Variants in PPP2R5C observed in about 807,000 individuals in gnomAD.
The protein encoded by PPP2R5C is serine/threonine-protein phosphatase 2A 56 kDa regulatory subunit gamma isoform.
A neutral mutation model predicts 68.9 loss-of-function variants in PPP2R5C; 7 were observed. That is an observed-to-expected ratio of 0.10 (90% confidence interval 0.06 to 0.19). The LOEUF (loss-of-function observed/expected upper bound fraction) is 0.19, where lower values mean the gene tolerates loss of function less well. Ranked by LOEUF, PPP2R5C falls within the 10% of genes least tolerant of loss-of-function variation. The pLI, the probability that PPP2R5C is intolerant of heterozygous loss-of-function variation, is 1.00. For missense variants in PPP2R5C, 348 were observed against 641.3 expected (o/e 0.54, Z 4.94); for synonymous variants, 210 against 222.2 (o/e 0.95, Z 0.49).
intron 3 of PPP2R5C, among the ~76,000 whole-genome samples, chr14:101,790,224 T>C (rs1247582663): frequency 6.6e-6 from 1 of 152,258 alleles, no homozygotes; most frequent in African/African-American, 2.4e-5. Flanking sequence ...TTTTATTTTT[T>C]CCTAACTTTT....
chr14:101,762,757 G>C lies in PPP2R5C; in HGVS notation c.28-148G>C, dbSNP rs898355853. ...GCATTGCACTGTTGGAATCCTAAAC[G>C]GTATGATATAGAATTTCCTAATGGT... On this transcript the variant is annotated intron_variant, in intron 1 of 14. Coordinates refer to the PPP2R5C transcript ENST00000328724. 8.8e-6 allele frequency: 6 copies of C among 679,568 alleles called. No homozygotes were observed. In the African/African-American group the frequency reaches 1.1e-4, roughly 12 times the overall value. 42.1% of individuals were successfully genotyped at this position (679,568 alleles called of 1,614,324 possible). A position where few individuals can be genotyped will look rare whatever the true frequency, so the allele number is the denominator to read the frequency against.
At position 101,862,816 on chromosome 14, in the gene PPP2R5C, ATTTTT is replaced by A. The variant is rs71116853; in HGVS notation, c.294+5949_294+5953del. ...TGTCATTTACACTAAGACATGATGG[ATTTTT>A]TTTTTTTTTTTTTTTTTAGATGAGG... On this transcript the variant is annotated intron_variant, in intron 2 of 13. Transcript: ENST00000334743. Among the ~76,000 whole-genome samples, 7 of 127,214 alleles carry A rather than the reference ATTTTT, an allele frequency of 5.5e-5. No individual in the cohort carries two copies. The South Asian group carries it at 1.3e-3, about 24-fold the overall frequency. 83.5% of individuals were successfully genotyped at this position (127,214 alleles called of 152,430 possible).
chr14:101,860,479 G>T (rs1173661649), intron 2 of PPP2R5C, among the ~76,000 whole-genome samples: 1 of 152,146 alleles, frequency 6.6e-6, no homozygotes, highest in Non-Finnish European at 1.5e-5. Flanking sequence ...GGGCTGTTAT[G>T]AATGACTGTT....
chr14:101,766,792 C>T (rs2036883077), intron 2 of PPP2R5C: 1 of 152,228 alleles, frequency 6.6e-6, no homozygotes, highest in Non-Finnish European at 1.5e-5. Context: ...AGGAGACTCA[C>T]TTTTGAGCAT....
intron 2 of PPP2R5C, chr14:101,765,084 T>A (rs2036781147): frequency 4.4e-6 from 3 of 681,062 alleles, no homozygotes; most frequent in Non-Finnish European, 2.7e-6. Flanking sequence ...TTGCCAGCCG[T>A]GTGAGACCTG....
At chr14:101,836,654 T>C (rs2041120832) in intron 1 of PPP2R5C, 2 of 398,662 alleles carry the variant, frequency 5.0e-6, no homozygotes, top group South Asian at 8.6e-5. Context: ...TTTACCTTTA[T>C]AGATGGGTTA....
chr14:101,824,176 G>A (rs1186466542), intron 1 of PPP2R5C: 7 of 1,264,518 alleles, frequency 5.5e-6, no homozygotes, highest in Non-Finnish European at 6.2e-6. Flanking sequence ...CGTGGTAAAC[G>A]TAAACTTACT....
chr14:101,852,249 A>T (rs764894114), intron 1 of PPP2R5C, among the ~76,000 whole-genome samples: 1 of 152,162 alleles, frequency 6.6e-6, no homozygotes, highest in Non-Finnish European at 1.5e-5. Flanking sequence ...TGCACTCTAG[A>T]TATCACTGAC....
At chr14:101,901,390 G>T (rs1231679814) in intron 8 of PPP2R5C, among the ~76,000 whole-genome samples, 1 of 152,168 alleles carries the variant, frequency 6.6e-6, no homozygotes, top group Non-Finnish European at 1.5e-5. Context: ...AGCCAGGCAG[G>T]TGGTACGTGC....
chr14:101,875,509 A>G (rs1416693851), intron 2 of PPP2R5C, among the ~76,000 whole-genome samples: 1 of 152,190 alleles, frequency 6.6e-6, no homozygotes, highest in African/African-American at 2.4e-5. Context: ...TAATAAGGTG[A>G]CTGATGCGTG....
chr14:101,810,067 A>T, intron 1 of PPP2R5C: 1 of 1,587,928 alleles, frequency 6.3e-7, no homozygotes, highest in Non-Finnish European at 8.6e-7. Flanking sequence ...CTGAATCGGA[A>T]CCTTCCGTGG....
At chr14:101,816,901 T>C (rs1347791020) in intron 1 of PPP2R5C, among the ~76,000 whole-genome samples, 2 of 125,476 alleles carry the variant, frequency 1.6e-5, no homozygotes, top group Admixed American at 1.7e-4. Context: ...ATTATATAAA[T>C]ATATATATAA....
At chr14:101,908,367 T>G (rs2046181350) in intron 10 of PPP2R5C, among the ~76,000 whole-genome samples, 1 of 152,118 alleles carries the variant, frequency 6.6e-6, no homozygotes, top group Non-Finnish European at 1.5e-5. Context: ...TAGCATTGAT[T>G]TATTTTATTT....
intron 1 of PPP2R5C, among the ~76,000 whole-genome samples, chr14:101,830,914 T>G (rs2040694002): frequency 6.6e-6 from 1 of 152,028 alleles, no homozygotes; most frequent in Non-Finnish European, 1.5e-5. Context: ...TCAGTTAGAG[T>G]GATAAGTAAG....
At chr14:101,840,469 C>G (rs2041393339) in intron 1 of PPP2R5C, among the ~76,000 whole-genome samples, 1 of 139,732 alleles carries the variant, frequency 7.2e-6, no homozygotes, top group African/African-American at 2.8e-5. Flanking sequence ...GCACCACCTG[C>G]TCCCCCCACC....
chr14:101,918,123 G>GA (rs1336042943), intron 13 of PPP2R5C, among the ~76,000 whole-genome samples, 176 bp downstream of exon 15: 1 of 116,338 alleles, frequency 8.6e-6, no homozygotes, highest in African/African-American at 4.0e-5. Flanking sequence ...CAAATTACTA[G>GA]AAACAGTTTT....
intron 1 of PPP2R5C, chr14:101,823,931 G>C: frequency 1.6e-6 from 2 of 1,282,722 alleles, no homozygotes; most frequent in Non-Finnish European, 2.0e-6. Flanking sequence ...TGCAGATTCT[G>C]GGTCACGAAG....
In PPP2R5C at chr14:101,781,207, C is replaced by T. The variant is rs2037667587; in HGVS notation, c.94-4811C>T. On this transcript the variant is annotated intron_variant, in intron 2 of 14. Transcript: ENST00000328724. The surrounding 1 kb of genome is among the most constrained non-coding windows in gnomAD (Gnocchi z 6.4). ...CCCCACCGGGCTGTCCACGAACCAG[C>T]GAACCAGCGGTGTTGGTGGTGTCTG... Among the ~76,000 whole-genome samples the T allele has an allele frequency of 6.6e-6, 1 of 152,190 alleles. No individual in the cohort carries two copies. Among genetic ancestry groups the T allele is most frequent in the African/African-American group, 2.4e-5 (1 of 41,442 alleles).
chr14:101,790,427 G>A (rs997231430), intron 3 of PPP2R5C, among the ~76,000 whole-genome samples: 5 of 152,100 alleles, frequency 3.3e-5, no homozygotes, highest in African/African-American at 9.7e-5. Context: ...GTTCCCCTCC[G>A]GGCCCCAGCT....
Sources: gnomAD v4.1 joint callset for allele counts (sites outside exome capture counted in the v4.1 genomes callset) on GRCh38, gnomAD v4.1.1 for gene constraint, Gnocchi (gnomAD v3.1) non-coding constraint, MANE v1.5 for transcripts, NCBI Gene and HGNC (gene_info 2026-07-23, HGNC 2026-07-21) for gene names.